PRDM16: variants seen among roughly 807,000 people sequenced by gnomAD.
PRDM16 encodes the protein PR/SET domain 16.
In PRDM16, 23 loss-of-function variants were observed where a neutral mutation model predicts 110.6. That is an observed-to-expected ratio of 0.21 (90% CI 0.15 to 0.29). The LOEUF (loss-of-function observed/expected upper bound fraction) is 0.29, where lower values mean the gene tolerates loss of function less well. Among genes scored for constraint, PRDM16 ranks in the 10% least tolerant of loss-of-function variants. The probability of loss-of-function intolerance (pLI) is 1.00; values close to 1 mark genes in which losing one functional copy is unlikely to be tolerated. For synonymous variants in PRDM16, 799 were observed against 781.8 expected, an observed-to-expected ratio of 1.02 and a Z score of -0.37; for missense variants, 1,615 against 1,794.3, an observed-to-expected ratio of 0.90 and a Z score of 1.81.
rs529195959 is a variant in PRDM16 at position 3,286,426 on chromosome 1, G to GGAAACA, written c.438+42290_438+42291insAAACAG. Among the ~76,000 whole-genome samples the GGAAACA allele has an allele frequency of 1.5e-4, 23 of 152,254 alleles. 1 individual carries two copies. In the South Asian group the frequency reaches 4.6e-3, roughly 30 times the overall value. ...AGCATTCCGGAATCTTCCAGCCCTGGGTTCCTGTTTCCCATCAGCACCTGC... is the reference window on the plus strand; with the variant it reads ...AGCATTCCGGAATCTTCCAGCCCTGGGAAACAGTTCCTGTTTCCCATCAGCACCTGC... On this transcript the variant is annotated intron_variant, in intron 3 of 16. Transcript: ENST00000270722.
chr1:3,142,782 G>T (rs982015033), intron 1 of PRDM16, among the ~76,000 whole-genome samples: 1 of 152,194 alleles, frequency 6.6e-6, no homozygotes, highest in African/African-American at 2.4e-5. Flanking sequence ...AGCTGTGAGG[G>T]GAGGCATCTG....
At chr1:3,214,002 C>G (rs1638963616) in intron 2 of PRDM16, among the ~76,000 whole-genome samples, 1 of 152,122 alleles carries the variant, frequency 6.6e-6, no homozygotes, top group African/African-American at 2.4e-5. Context: ...CTCGTGTGGC[C>G]ACTGGGTCCG....
At chr1:3,415,434 G>A (rs552919102) in intron 10 of PRDM16, among the ~76,000 whole-genome samples, 125 of 152,348 alleles carry the variant, frequency 8.2e-4, no homozygotes, top group Non-Finnish European at 1.4e-3. Context: ...GGCCTTCCCC[G>A]CCGTGGACGG....
chr1:3,100,065 G>A (rs1642496536), intron 1 of PRDM16, among the ~76,000 whole-genome samples: 2 of 152,186 alleles, frequency 1.3e-5, no homozygotes, highest in South Asian at 4.1e-4. Flanking sequence ...GAGGGGCGTG[G>A]AGAGGCCCGG....
Position 3,358,562 on chromosome 1 carries a change from A to C in PRDM16, c.439-26590A>C, listed in dbSNP as rs1642655193. 6.6e-6 allele frequency among the ~76,000 whole-genome samples: 1 copy of C among 152,106 alleles called. No individual in the cohort carries two copies. Among genetic ancestry groups the C allele is most frequent in the African/African-American group, 2.4e-5 (1 of 41,416 alleles). ...CACCAGGCAGAGCCCCGAATTCTCCACTGGGGCCGGAAGAGGAGCTCTCGG... is the reference window on the plus strand; with the variant it reads ...CACCAGGCAGAGCCCCGAATTCTCCCCTGGGGCCGGAAGAGGAGCTCTCGG... On this transcript the variant is annotated intron_variant, in intron 3 of 16. Transcript: ENST00000270722. The surrounding 1 kb of genome is among the most constrained non-coding windows in gnomAD (Gnocchi z 4.0).
chr1:3,094,284 C>G (rs1557441296), intron 1 of PRDM16, among the ~76,000 whole-genome samples: 1 of 152,130 alleles, frequency 6.6e-6, no homozygotes, highest in African/African-American at 2.4e-5. Context: ...CTCCACAGCT[C>G]CCAGGTGGCT....
chr1:3,416,532 T>C (rs1446636002), intron 10 of PRDM16, among the ~76,000 whole-genome samples: 1 of 152,200 alleles, frequency 6.6e-6, no homozygotes, highest in African/African-American at 2.4e-5. Context: ...CCGTGGAGGC[T>C]GGGTGCCAAG....
At chr1:3,415,971 C>G (rs544525261) in intron 10 of PRDM16, among the ~76,000 whole-genome samples, 2 of 152,330 alleles carry the variant, frequency 1.3e-5, no homozygotes, top group East Asian at 3.9e-4. Context: ...GTTGATGGCT[C>G]AGGGAGCAAG....
chr1:3,421,032 A>T (rs1364982799), intron 12 of PRDM16, among the ~76,000 whole-genome samples: 1 of 152,158 alleles, frequency 6.6e-6, no homozygotes, highest in African/African-American at 2.4e-5. Context: ...CTTCTGTGTG[A>T]AGCTGGAGCG....
At chr1:3,186,857 G>C (rs1482711287) in intron 2 of PRDM16, among the ~76,000 whole-genome samples, 1 of 152,224 alleles carries the variant, frequency 6.6e-6, no homozygotes, top group East Asian at 1.9e-4. Flanking sequence ...TTCCAGGCCA[G>C]GGCAGTGTGG....
At chr1:3,349,359 C>T (rs759859901) in intron 3 of PRDM16, among the ~76,000 whole-genome samples, 27 of 152,178 alleles carry the variant, frequency 1.8e-4, no homozygotes, top group Non-Finnish European at 3.7e-4. Flanking sequence ...GACGTGGCAC[C>T]GTGCTTAATG....
chr1:3,242,837 T>C (rs1269217728), intron 2 of PRDM16, among the ~76,000 whole-genome samples: 1 of 152,214 alleles, frequency 6.6e-6, no homozygotes, highest in Non-Finnish European at 1.5e-5. Flanking sequence ...ATTTTTCAAG[T>C]ATCAGTTTCA....
chr1:3,125,746 C>T (rs960964181), intron 1 of PRDM16, among the ~76,000 whole-genome samples: 2 of 152,232 alleles, frequency 1.3e-5, no homozygotes, highest in African/African-American at 4.8e-5. Flanking sequence ...GTTTGGTCTG[C>T]GCGGGGGGCA....
In PRDM16 at chr1:3,190,892, G is replaced by A. The variant is rs1158858932; in HGVS notation, c.387+4418G>A. Among the ~76,000 whole-genome samples, 1 of 152,244 alleles carries A rather than the reference G, an allele frequency of 6.6e-6. No homozygotes were observed. The highest frequency in any genetic ancestry group is 1.5e-5 in the Non-Finnish European group (1 of 68,040). Reference sequence around the variant, plus strand: ...GCCCGGTGACAGCCCAGAGGGAGGAGGCCATGGGTGAGGCACTGGGGAGGC... The same window carrying A: ...GCCCGGTGACAGCCCAGAGGGAGGAAGCCATGGGTGAGGCACTGGGGAGGC... On this transcript the variant is annotated intron_variant, in intron 2 of 16. Transcript: ENST00000270722. This position sits in a 1 kb window ranked among gnomAD's most constrained non-coding sequence, Gnocchi z 5.0.
intron 3 of PRDM16, among the ~76,000 whole-genome samples, chr1:3,366,571 G>C (rs879379803): frequency 6.6e-6 from 1 of 152,148 alleles, no homozygotes; most frequent in South Asian, 2.1e-4. Flanking sequence ...ATTCAGAAAG[G>C]GGCTAGTAGT....
intron 3 of PRDM16, among the ~76,000 whole-genome samples, chr1:3,295,386 TG>T (rs149206835): frequency 0.039 from 5,969 of 152,160 alleles, 389 homozygotes; most frequent in African/African-American, 0.13. Context: ...TCACCGCGGC[TG>T]GTCCCTCGGG....
At chr1:3,367,277 A>G (rs1642832780) in intron 3 of PRDM16, among the ~76,000 whole-genome samples, 1 of 152,062 alleles carries the variant, frequency 6.6e-6, no homozygotes, top group Non-Finnish European at 1.5e-5. Context: ...TCTGTCTCAA[A>G]AAAAAAAAAA....
Position 3,436,747 on chromosome 1 carries a change from C to G in PRDM16, c.*2936C>G. 1 of 232,922 alleles carries G rather than the reference C, an allele frequency of 4.3e-6. No homozygotes were observed. Among genetic ancestry groups the G allele is most frequent in the Non-Finnish European group, 8.5e-6 (1 of 117,828 alleles). The allele number at this position is 232,922 out of a possible 1,614,324, so 14.4% of individuals were successfully genotyped here. ...GCCTCCAGCTGTCACCACACCGTAA[C>G]GGGGCCATGTAACTGTGCAGCATGG... On this transcript the variant is annotated 3_prime_UTR_variant, in exon 17 of 17. Transcript: ENST00000270722.
intron 1 of PRDM16, among the ~76,000 whole-genome samples, chr1:3,155,234 G>T (rs1404552913): frequency 6.6e-6 from 1 of 152,224 alleles, no homozygotes; most frequent in Non-Finnish European, 1.5e-5. Context: ...CTCAAACACC[G>T]GCCAAGGCAG....
Sources: gnomAD v4.1 joint callset for allele counts (sites outside exome capture counted in the v4.1 genomes callset) on GRCh38, gnomAD v4.1.1 for gene constraint, Gnocchi (gnomAD v3.1) non-coding constraint, MANE v1.5 for transcripts, NCBI Gene and HGNC (gene_info 2026-07-23, HGNC 2026-07-21) for gene names.